Variants in SETD4 observed in about 807,000 individuals in gnomAD.
The protein encoded by SETD4 is SET domain containing 4.
A neutral mutation model predicts 58.3 loss-of-function variants in SETD4; 46 were observed. The observed-to-expected ratio is 0.79, with a 90% CI of 0.62 to 1.01. The LOEUF is 1.01. Among genes scored for constraint, SETD4 ranks in the 50% least tolerant of loss-of-function variants. The pLI, the probability that SETD4 is intolerant of heterozygous loss-of-function variation, is 0.00. For missense variants in SETD4, 490 were observed against 523.3 expected (o/e 0.94, Z 0.62); for synonymous variants, 190 against 202.6 (o/e 0.94, Z 0.53).
At chr21:36,060,020 T>C (rs1019593796) in intron 1 of SETD4, 101 of 985,626 alleles carry the variant, frequency 1.0e-4, no homozygotes, top group Admixed American at 2.5e-4. Flanking sequence ...CCCGCCCCCA[T>C]AGTCCTCAAA....
At chr21:36,053,646 G>A in intron 3 of SETD4, 26 bp from the exon 4 acceptor site, 1 of 1,611,892 alleles carries the variant, frequency 6.2e-7, no homozygotes, top group Non-Finnish European at 8.5e-7. Context: ...CAGAAAGAGA[G>A]TAAATCCTAC....
chr21:36,036,315 AC>A, intron 10 of SETD4, 64 bp from the exon 11 acceptor site: 1 of 1,282,456 alleles, frequency 7.8e-7, no homozygotes, highest in Non-Finnish European at 1.0e-6. Context: ...CACAGAACGT[AC>A]GTACCTTTTT....
At chr21:36,046,111 G>T in intron 5 of SETD4, 100 bp from the exon 6 acceptor site, 5 of 1,228,206 alleles carry the variant, frequency 4.1e-6, no homozygotes, top group Non-Finnish European at 4.5e-6. Context: ...TGTTCAAACT[G>T]TCAACACACT....
rs759133680 is a variant in SETD4, at chr21:36,043,789, G to A, written c.894C>T (p.Val298=). The part of the protein sequence containing the change: ...SVHNPHACVY[V]SREILVKYLP... ...AACAAAGTTGATTCCAACCTCTTGA[G>A]ACATAAACACAAGCATGAGGATTAT... The change falls in exon 7 of 12, where the codon GTC becomes GTT. Residue 298 remains valine, a synonymous_variant. Transcript: ENST00000332131. 1.2e-6 allele frequency: 2 copies of A among 1,613,962 alleles called. No individual in the cohort carries two copies. The highest frequency in any genetic ancestry group is 1.7e-6 in the Non-Finnish European group (2 of 1,179,986).
intron 5 of SETD4, among the ~76,000 whole-genome samples, chr21:36,046,214 G>C (rs563684673): frequency 6.6e-6 from 1 of 152,292 alleles, no homozygotes; most frequent in East Asian, 1.9e-4. Flanking sequence ...TGCTCTGAAA[G>C]AGCCATACTT....
chr21:36,047,572 G>A (rs1255852772), intron 5 of SETD4, among the ~76,000 whole-genome samples: 1 of 152,176 alleles, frequency 6.6e-6, no homozygotes, highest in Non-Finnish European at 1.5e-5. Flanking sequence ...AAGGCACTCA[G>A]CTGTGATTTA....
At chr21:36,056,319 GC>G (rs1214750498) in intron 3 of SETD4, among the ~76,000 whole-genome samples, 1 of 152,194 alleles carries the variant, frequency 6.6e-6, no homozygotes, top group African/African-American at 2.4e-5. Flanking sequence ...TGTGGCATAT[GC>G]TTTGACTTTT....
intron 1 of SETD4, chr21:36,059,893 C>A: frequency 1.0e-6 from 1 of 985,392 alleles, no homozygotes; most frequent in Non-Finnish European, 1.2e-6. Context: ...AGCGCTCAGT[C>A]CACAGACCGC....
intron 4 of SETD4, chr21:36,051,006 G>C: frequency 6.3e-7 from 1 of 1,584,026 alleles, no homozygotes; most frequent in African/African-American, 1.3e-5. Context: ...GTGTGGCGTT[G>C]ACCTGTTGAT....
chr21:36,059,966 G>A (rs2065209294), intron 1 of SETD4: 2 of 985,648 alleles, frequency 2.0e-6, no homozygotes, highest in South Asian at 4.7e-5. Context: ...ACCCTGCTGA[G>A]GACCACGTGA....
At chr21:36,059,057 G>A in intron 1 of SETD4, 133 bp from the exon 2 acceptor site, 3 of 1,101,346 alleles carry the variant, frequency 2.7e-6, no homozygotes, top group Non-Finnish European at 3.7e-6. Flanking sequence ...ACAAATGTAT[G>A]TTTTGGTAAA....
At position 36,058,496 on chromosome 21, in the gene SETD4, CCTT is replaced by C. The variant is rs571170237; in HGVS notation, c.73+317_73+319del. Among the ~76,000 whole-genome samples, 41 of 133,836 alleles carry C rather than the reference CCTT, an allele frequency of 3.1e-4. No homozygotes were observed. The East Asian group carries it at 6.9e-3, about 23-fold the overall frequency. The allele number at this position is 133,836 out of a possible 152,430, so 87.8% of individuals were successfully genotyped here. ...ATTCCAATCTGGGTAACAGAATGTA[CCTT>C]GTCTCCAAAAAAAAAAAAAAAAGAA... On this transcript the variant is annotated intron_variant, in intron 2 of 11. Transcript: ENST00000332131.
intron 1 of SETD4, 104 bp downstream of exon 1, chr21:36,060,243 T>C (rs2065226406): frequency 3.8e-6 from 2 of 520,228 alleles, no homozygotes; most frequent in Non-Finnish European, 4.9e-6. Context: ...CTAAACTCAG[T>C]TCTTTTTACG....
At chr21:36,057,277 G>T in intron 2 of SETD4, 73 bp from the exon 3 acceptor site, 2 of 1,110,834 alleles carry the variant, frequency 1.8e-6, no homozygotes, top group Non-Finnish European at 2.8e-6. Context: ...AAAAGAACAT[G>T]TCTGATGAAA....
At chr21:36,052,317 C>G (rs574971210) in intron 4 of SETD4, among the ~76,000 whole-genome samples, 2 of 150,122 alleles carry the variant, frequency 1.3e-5, no homozygotes, top group African/African-American at 4.9e-5. Flanking sequence ...GAGGCCAAGG[C>G]GGGCAGATCA....
intron 8 of SETD4, among the ~76,000 whole-genome samples, 172 bp downstream of exon 8, chr21:36,041,635 T>C (rs559613951): frequency 3.9e-5 from 6 of 152,324 alleles, no homozygotes; most frequent in African/African-American, 9.6e-5. Context: ...TATACTCCTT[T>C]TGTCCTCCAC....
intron 4 of SETD4, chr21:36,050,710 G>A: frequency 2.5e-6 from 4 of 1,611,874 alleles, no homozygotes; most frequent in Non-Finnish European, 3.4e-6. Context: ...GGTCATAGAG[G>A]TAAAGCTGTT....
In SETD4 at chr21:36,035,680, T is replaced by C. The variant is rs1331672885; in HGVS notation, c.*313A>G. The C allele has an allele frequency of 4.4e-6, 1 of 226,016 alleles. No homozygotes were observed. Among genetic ancestry groups the C allele is most frequent in the Admixed American group, 5.3e-5 (1 of 19,016 alleles). 14.0% of individuals were successfully genotyped at this position (226,016 alleles called of 1,614,324 possible). ...CAGAGCATCTTAAAAGCACAACCACTAGACTCTGATAGCTGCTGTGTCAGA... is the reference window on the plus strand; with the variant it reads ...CAGAGCATCTTAAAAGCACAACCACCAGACTCTGATAGCTGCTGTGTCAGA... On this transcript the variant is annotated 3_prime_UTR_variant, in exon 12 of 12. Coordinates refer to ENST00000332131, the MANE Select transcript of SETD4 (RefSeq NM_017438.5).
At chr21:36,041,330 G>A (rs993155379) in intron 8 of SETD4, among the ~76,000 whole-genome samples, 18 of 152,206 alleles carry the variant, frequency 1.2e-4, no homozygotes, top group African/African-American at 2.6e-4. Flanking sequence ...ACACCATGGC[G>A]GGATCATTTC....
Sources: gnomAD v4.1 joint callset for allele counts (sites outside exome capture counted in the v4.1 genomes callset) on GRCh38, gnomAD v4.1.1 for gene constraint, MANE v1.5 for transcripts, NCBI Gene and HGNC (gene_info 2026-07-23, HGNC 2026-07-21) for gene names.